Variants in TSEN2 observed in about 807,000 individuals in gnomAD.
TSEN2 encodes tRNA splicing endonuclease subunit 2.
Under a neutral mutation model 59.2 loss-of-function variants are expected in TSEN2, and 54 were observed. The observed-to-expected ratio is 0.91, with a 90% CI of 0.73 to 1.14. The LOEUF is 1.14. Ranked by LOEUF, TSEN2 falls within the 50% of genes most tolerant of loss-of-function variation. TSEN2 has a pLI of 0.00. For missense variants in TSEN2, 636 were observed against 576.2 expected, an observed-to-expected ratio of 1.10 and a Z score of -1.06; for synonymous variants, 195 against 198.2, an observed-to-expected ratio of 0.98 and a Z score of 0.14.
chr3:12,534,833 G>T (rs1343987762), downstream of TSEN2, among the ~76,000 whole-genome samples: 1 of 151,022 alleles, frequency 6.6e-6, no homozygotes, highest in Non-Finnish European at 1.5e-5. Context: ...AGATTAGCTG[G>T]GTGTGGTGGT....
chr3:12,495,963 GA>G (rs2053706422), intron 3 of TSEN2, among the ~76,000 whole-genome samples: 2 of 152,186 alleles, frequency 1.3e-5, no homozygotes, highest in African/African-American at 4.8e-5. Context: ...CCGCCTGTCA[GA>G]ACTGCGCCCT....
chr3:12,538,946 G>T (rs968130086), intron 10 of TSEN2: 3 of 313,450 alleles, frequency 9.6e-6, no homozygotes, highest in Non-Finnish European at 1.8e-5. Context: ...GCCTCCATGT[G>T]TCGGGTCAGG....
intron 3 of TSEN2, among the ~76,000 whole-genome samples, chr3:12,495,550 G>A (rs2053662054): frequency 6.6e-6 from 1 of 152,176 alleles, no homozygotes; most frequent in Non-Finnish European, 1.5e-5. Context: ...ACTTTATAGT[G>A]ATTTGATTGT....
At chr3:12,517,685 G>A (rs905856625) in intron 7 of TSEN2, among the ~76,000 whole-genome samples, 1 of 152,144 alleles carries the variant, frequency 6.6e-6, no homozygotes, top group East Asian at 1.9e-4. Context: ...TATTCCAGCC[G>A]TTTGGAAGCA....
At chr3:12,536,167 G>A (rs1432201189), downstream of TSEN2, among the ~76,000 whole-genome samples, 3 of 152,204 alleles carry the variant, frequency 2.0e-5, no homozygotes, top group Non-Finnish European at 4.4e-5. Context: ...AGGTAAAGTA[G>A]TGAAGACAGC....
chr3:12,492,125 C>T lies in TSEN2; in HGVS notation c.190-11C>T, dbSNP rs1322864137. 2.5e-6 allele frequency: 4 copies of T among 1,612,528 alleles called. No individual in the cohort carries two copies. In the South Asian group the frequency reaches 4.4e-5, roughly 18 times the overall value. The stretch of plus-strand genomic sequence containing the variant: ...AGCATGAACTAACTTCATTTTCTCT[C>T]TTCCTGGAAGGGTTATTTTGGAAAA... On this transcript the variant is annotated splice_polypyrimidine_tract_variant and intron_variant, in intron 2 of 11. Transcript: ENST00000284995.
intron 6 of TSEN2, among the ~76,000 whole-genome samples, chr3:12,514,411 C>T (rs371003887): frequency 1.3e-5 from 2 of 152,178 alleles, no homozygotes; most frequent in South Asian, 2.1e-4. Flanking sequence ...AGGGGAACGA[C>T]GTGATTTTCG....
chr3:12,511,431 T>C (rs1362326566), intron 6 of TSEN2, among the ~76,000 whole-genome samples: 3 of 152,102 alleles, frequency 2.0e-5, no homozygotes, highest in Non-Finnish European at 4.4e-5. Flanking sequence ...AAGAAAAGAT[T>C]CATGGTGTTG....
chr3:12,525,484 G>A (rs2057001478), intron 8 of TSEN2, among the ~76,000 whole-genome samples: 1 of 152,124 alleles, frequency 6.6e-6, no homozygotes. Context: ...CCACACCTCT[G>A]TCTAGCATTC....
chr3:12,492,309 G>C, intron 3 of TSEN2, 92 bp downstream of exon 3: 1 of 1,154,560 alleles, frequency 8.7e-7, no homozygotes, highest in Non-Finnish European at 1.3e-6. Context: ...TAAAATTCTA[G>C]AGAAGTAACA....
chr3:12,487,918 A>T (rs1287497628), intron 1 of TSEN2, among the ~76,000 whole-genome samples: 2 of 152,216 alleles, frequency 1.3e-5, no homozygotes, highest in Non-Finnish European at 2.9e-5. Flanking sequence ...TTAGAAATTA[A>T]TCTAGCATGT....
chr3:12,480,737 T>C (rs1263796552), upstream of TSEN2, among the ~76,000 whole-genome samples: 6 of 152,026 alleles, frequency 3.9e-5, no homozygotes, highest in Admixed American at 1.3e-4. Flanking sequence ...TTTTGCCATG[T>C]TGGCCAGGCT....
intron 4 of TSEN2, 97 bp from the exon 5 acceptor site, chr3:12,503,165 A>G (rs1269536231): frequency 2.2e-6 from 3 of 1,375,874 alleles, no homozygotes; most frequent in Admixed American, 3.4e-5. Context: ...TGCTGTAAAC[A>G]TTTTGGTGTG....
At chr3:12,494,980 G>A (rs986930207) in intron 3 of TSEN2, among the ~76,000 whole-genome samples, 1 of 151,410 alleles carries the variant, frequency 6.6e-6, no homozygotes, top group Non-Finnish European at 1.5e-5. Context: ...ACAAAAATGA[G>A]CTGGGCATGG....
rs113865031 is a variant in TSEN2, at chr3:12,516,476, G to GTT, written c.910-134_910-133insTT. ...TGTGTGTGTGTGTGTGTGTGTGTGT[G>GTT]TGTGTGTGTGTGACCTTTTTGATGA... On this transcript the variant is annotated intron_variant, in intron 6 of 11. Transcript: ENST00000284995. 4.3e-6 allele frequency: 3 copies of GTT among 704,174 alleles called. No individual in the cohort carries two copies. In the African/African-American group the frequency reaches 5.3e-5, roughly 12 times the overall value. 43.6% of individuals were successfully genotyped at this position (704,174 alleles called of 1,614,324 possible). A position where few individuals can be genotyped will look rare whatever the true frequency, so the allele number is the denominator to read the frequency against.
intron 6 of TSEN2, among the ~76,000 whole-genome samples, chr3:12,506,210 T>C (rs2054818892): frequency 6.6e-6 from 1 of 150,678 alleles, no homozygotes; most frequent in Non-Finnish European, 1.5e-5. Flanking sequence ...CTGTGCTACA[T>C]GATTCAGATC....
intron 9 of TSEN2, 79 bp downstream of exon 9, chr3:12,529,003 C>T: frequency 6.9e-7 from 1 of 1,451,372 alleles, no homozygotes; most frequent in Non-Finnish European, 9.7e-7. Context: ...CTTTTTGGTG[C>T]CATAGGAACA....
intron 4 of TSEN2, among the ~76,000 whole-genome samples, chr3:12,502,889 T>C (rs749067189): frequency 7.2e-5 from 11 of 151,908 alleles, no homozygotes; most frequent in Admixed American, 7.2e-4. Flanking sequence ...CTGGCCAATA[T>C]AGTGAAACCC....
At chr3:12,514,454 G>A (rs1238915023) in intron 6 of TSEN2, among the ~76,000 whole-genome samples, 3 of 152,132 alleles carry the variant, frequency 2.0e-5, no homozygotes, top group African/African-American at 4.8e-5. Context: ...ATGCTATGGA[G>A]AGTGGACTGT....
Sources: allele counts gnomAD v4.1 joint callset (sites outside exome capture counted in the v4.1 genomes callset), GRCh38; gene constraint gnomAD v4.1.1; transcripts MANE v1.5; gene names NCBI Gene and HGNC (gene_info 2026-07-23, HGNC 2026-07-21).